Variants in FAM107B observed in about 807,000 individuals in gnomAD.
FAM107B encodes protein FAM107B.
Under a neutral mutation model 31.5 loss-of-function variants are expected in FAM107B, and 21 were observed. The observed-to-expected ratio is 0.67, with a 90% confidence interval of 0.47 to 0.96. The LOEUF (loss-of-function observed/expected upper bound fraction) is 0.96, where lower values mean the gene tolerates loss of function less well. FAM107B is among the 40% of genes least tolerant of loss of function. The pLI is 0.00. For synonymous variants in FAM107B, 157 were observed against 141.5 expected, an observed-to-expected ratio of 1.11 and a Z score of -0.78; for missense variants, 452 against 377.1, an observed-to-expected ratio of 1.20 and a Z score of -1.64.
chr10:14,641,420 C>G lies in FAM107B; in HGVS notation c.469+26214G>C, dbSNP rs1031540519. On this transcript the variant is annotated intron_variant, in intron 2 of 4. Transcript: ENST00000181796. ...TTAGGCTAGTTTCAGATGACTGGCT[C>G]TCTTAGCTCAGGCCGCCATAACAAA... Among the ~76,000 whole-genome samples, 3 of 152,138 alleles carry G rather than the reference C, an allele frequency of 2.0e-5. No individual in the cohort carries two copies. In the East Asian group the frequency reaches 5.8e-4, roughly 29 times the overall value.
chr10:14,676,351 G>A (rs1368771116), intron 1 of FAM107B, among the ~76,000 whole-genome samples: 2 of 152,034 alleles, frequency 1.3e-5, no homozygotes, highest in African/African-American at 4.8e-5. Flanking sequence ...GTTTTCCAGG[G>A]AATCTCTTAT....
chr10:14,672,040 C>T (rs981651392), intron 1 of FAM107B, among the ~76,000 whole-genome samples: 3 of 151,770 alleles, frequency 2.0e-5, no homozygotes, highest in African/African-American at 7.3e-5. Flanking sequence ...TGGTTCTGTA[C>T]ATTGGTTCTG....
At chr10:14,742,449 C>A (rs1041673528) in intron 1 of FAM107B, among the ~76,000 whole-genome samples, 10 of 152,280 alleles carry the variant, frequency 6.6e-5, no homozygotes, top group East Asian at 3.9e-4. Flanking sequence ...ATGATGCTAA[C>A]AAAGTACATT....
chr10:14,690,176 C>T (rs1038696224), intron 1 of FAM107B, among the ~76,000 whole-genome samples: 2 of 152,158 alleles, frequency 1.3e-5, no homozygotes, highest in Non-Finnish European at 2.9e-5. Flanking sequence ...TGGCTTCTCA[C>T]CGGATTCAGT....
At chr10:14,673,597 C>G (rs192713824) in intron 1 of FAM107B, among the ~76,000 whole-genome samples, 1 of 152,156 alleles carries the variant, frequency 6.6e-6, no homozygotes, top group Admixed American at 6.5e-5. Flanking sequence ...GCAATAAACA[C>G]GAGAGTGTAG....
At chr10:14,707,675 G>A (rs898518746) in intron 1 of FAM107B, among the ~76,000 whole-genome samples, 8 of 152,202 alleles carry the variant, frequency 5.3e-5, no homozygotes, top group Non-Finnish European at 8.8e-5. Context: ...CCACATGGCT[G>A]CCTTCAGTGG....
chr10:14,674,114 G>A (rs1178239771), intron 1 of FAM107B, among the ~76,000 whole-genome samples: 1 of 152,168 alleles, frequency 6.6e-6, no homozygotes. Flanking sequence ...ATGCATCAAA[G>A]ACTTAAACGT....
At position 14,734,492 on chromosome 10, in the gene FAM107B, T is replaced by TTTGTTTTTGTTTTTG. The variant is rs1349616167; in HGVS notation, c.411+39760_411+39761insCAAAAACAAAAACAA. Among the ~76,000 whole-genome samples, 33 of 151,842 alleles carry TTTGTTTTTGTTTTTG rather than the reference T, an allele frequency of 2.2e-4. 1 individual carries two copies. Among genetic ancestry groups the TTTGTTTTTGTTTTTG allele is most frequent in the African/African-American group, 8.0e-4 (33 of 41,246 alleles). On this transcript the variant is annotated intron_variant, in intron 1 of 4. Transcript: ENST00000181796. The stretch of plus-strand genomic sequence containing the variant: ...ATAATGAAATCTTTTTGTGAGGTTT[T>TTTGTTTTTGTTTTTG]TTTTTTTTTTTTAGCTCATCAGCTA...
At position 14,520,041 on chromosome 10, in the gene FAM107B, T is replaced by G. The variant is rs1028871114; in HGVS notation, c.*1149A>C. 2.0e-5 allele frequency: 3 copies of G among 152,650 alleles called. No homozygotes were observed. The highest frequency in any genetic ancestry group is 6.5e-5 in the Admixed American group (1 of 15,272). The allele number at this position is 152,650 out of a possible 1,614,324, so 9.5% of individuals were successfully genotyped here. ...AGATGCAATATAGTAGTCATCGACATCATCCTTATCAACAGCATCATCACT... is the reference window on the plus strand; with the variant it reads ...AGATGCAATATAGTAGTCATCGACAGCATCCTTATCAACAGCATCATCACT... On this transcript the variant is annotated 3_prime_UTR_variant, in exon 5 of 5. Coordinates refer to ENST00000181796, the MANE Select transcript of FAM107B (RefSeq NM_031453.4).
intron 1 of FAM107B, among the ~76,000 whole-genome samples, chr10:14,750,541 G>A (rs1051918369): frequency 7.2e-5 from 11 of 152,188 alleles, no homozygotes; most frequent in Admixed American, 7.2e-4. Flanking sequence ...GAACCCGGGA[G>A]GGGGAGGTTG....
At chr10:14,615,219 C>T (rs1852820809) in intron 2 of FAM107B, among the ~76,000 whole-genome samples, 1 of 152,082 alleles carries the variant, frequency 6.6e-6, no homozygotes, top group Non-Finnish European at 1.5e-5. Flanking sequence ...GTCCCAGCTA[C>T]TTGGGAGGCT....
intron 2 of FAM107B, among the ~76,000 whole-genome samples, chr10:14,629,418 A>ATATTTAAT (rs1564606804): frequency 2.4e-4 from 17 of 69,882 alleles, no homozygotes; most frequent in South Asian, 8.8e-4. Context: ...TAATATATAT[A>ATATTTAAT]ATATATATAA....
chr10:14,685,964 C>T (rs1447629573), intron 1 of FAM107B, among the ~76,000 whole-genome samples: 2 of 152,138 alleles, frequency 1.3e-5, no homozygotes, highest in Non-Finnish European at 2.9e-5. Context: ...AGGGGAACTC[C>T]CATTTATAAA....
At chr10:14,641,863 T>C (rs901515251) in intron 2 of FAM107B, among the ~76,000 whole-genome samples, 1 of 152,204 alleles carries the variant, frequency 6.6e-6, no homozygotes, top group African/African-American at 2.4e-5. Flanking sequence ...ATGCAAAATA[T>C]ATTCATTCCA....
intron 2 of FAM107B, among the ~76,000 whole-genome samples, chr10:14,626,273 T>A (rs897704395): frequency 6.6e-6 from 1 of 152,154 alleles, no homozygotes; most frequent in South Asian, 2.1e-4. Flanking sequence ...GTCTTCAATA[T>A]ACGATTCATC....
chr10:14,638,054 G>T (rs1233175281), intron 2 of FAM107B, among the ~76,000 whole-genome samples: 1 of 152,126 alleles, frequency 6.6e-6, no homozygotes, highest in Non-Finnish European at 1.5e-5. Flanking sequence ...GTAATATGTG[G>T]TAACATAGCC....
intron 2 of FAM107B, chr10:14,612,479 C>G (rs1402274997): frequency 2.6e-5 from 4 of 152,324 alleles, no homozygotes; most frequent in East Asian, 1.9e-4. Flanking sequence ...CCCTGTCCTT[C>G]CTTACTTACC....
chr10:14,624,500 G>A (rs142081671), intron 2 of FAM107B, among the ~76,000 whole-genome samples: 10 of 152,118 alleles, frequency 6.6e-5, no homozygotes, highest in Non-Finnish European at 1.2e-4. Flanking sequence ...GCCAGGTGTG[G>A]TGGTGTGCGC....
At chr10:14,563,570 A>AT (rs59037584) in intron 2 of FAM107B, among the ~76,000 whole-genome samples, 40,249 of 152,142 alleles carry the variant, frequency 0.26, 5,927 homozygotes, top group Middle Eastern at 0.34. Context: ...AGATAGACAA[A>AT]TTTTAATGTA....
Sources: gnomAD v4.1 joint callset for allele counts (sites outside exome capture counted in the v4.1 genomes callset) on GRCh38, gnomAD v4.1.1 for gene constraint, MANE v1.5 for transcripts, NCBI Gene and HGNC (gene_info 2026-07-23, HGNC 2026-07-21) for gene names.